Variants in HSD17B3 observed in about 807,000 individuals in gnomAD.
HSD17B3 encodes 17-beta-hydroxysteroid dehydrogenase type 3.
Under a neutral mutation model 41.1 loss-of-function variants are expected in HSD17B3, and 29 were observed. That is an observed-to-expected ratio of 0.71 (90% CI 0.53 to 0.96). The LOEUF (loss-of-function observed/expected upper bound fraction) is 0.96, where lower values mean the gene tolerates loss of function less well. HSD17B3 is among the 40% of genes least tolerant of loss of function. HSD17B3 has a pLI of 0.00. For missense variants in HSD17B3, 323 were observed against 374.6 expected (o/e 0.86, Z 1.14); for synonymous variants, 126 against 145.6 (o/e 0.87, Z 0.97).
chr9:96,300,199 AC>A (rs1195260129), intron 1 of HSD17B3, among the ~76,000 whole-genome samples: 1 of 123,226 alleles, frequency 8.1e-6, no homozygotes, highest in African/African-American at 2.9e-5. Flanking sequence ...ACAGCATAAT[AC>A]CCCAAGAGGA....
chr9:96,300,079 G>A (rs1025066109), intron 1 of HSD17B3, among the ~76,000 whole-genome samples: 1 of 152,056 alleles, frequency 6.6e-6, no homozygotes, highest in Non-Finnish European at 1.5e-5. Context: ...CAGCTGTGCA[G>A]AGTGCTACGT....
At chr9:96,259,113 T>A (rs928665022) in intron 2 of HSD17B3, among the ~76,000 whole-genome samples, 1 of 152,164 alleles carries the variant, frequency 6.6e-6, no homozygotes, top group Admixed American at 6.5e-5. Flanking sequence ...GTGACCCGCA[T>A]CCTTTCTGCT....
intron 2 of HSD17B3, among the ~76,000 whole-genome samples, chr9:96,279,853 T>A (rs187919522): frequency 1.3e-5 from 2 of 151,960 alleles, no homozygotes; most frequent in African/African-American, 4.8e-5. Flanking sequence ...CACGGCAAGC[T>A]CCGCCTCCCA....
At chr9:96,249,711 C>T in intron 6 of HSD17B3, 40 bp downstream of exon 6, 2 of 1,599,924 alleles carry the variant, frequency 1.3e-6, no homozygotes, top group African/African-American at 2.7e-5. Flanking sequence ...TTTCAAGTTA[C>T]TACATGTTAA....
At chr9:96,246,689 AAG>A in intron 6 of HSD17B3, 99 bp from the exon 7 acceptor site, 1 of 1,038,780 alleles carries the variant, frequency 9.6e-7, no homozygotes, top group South Asian at 1.3e-5. Flanking sequence ...GAAGCTGGGA[AAG>A]AGCCTCATCT....
chr9:96,300,319 G>A lies in HSD17B3; in HGVS notation c.154+1632C>T, dbSNP rs1009967987. Among the ~76,000 whole-genome samples, 5 of 142,382 alleles carry A rather than the reference G, an allele frequency of 3.5e-5. 1 individual carries two copies. The highest frequency in any genetic ancestry group is 2.4e-4 in the South Asian group (1 of 4,240). 93.4% of individuals were successfully genotyped at this position (142,382 alleles called of 152,430 possible). A position where few individuals can be genotyped will look rare whatever the true frequency, so the allele number is the denominator to read the frequency against. On this transcript the variant is annotated intron_variant, in intron 1 of 10. Transcript: ENST00000375263. Reference sequence around the variant, plus strand: ...TGTCATCCCAAACAATTTCTCACACGGTAATTTTTTTAATTTCCATTGCTA... The same window carrying A: ...TGTCATCCCAAACAATTTCTCACACAGTAATTTTTTTAATTTCCATTGCTA...
chr9:96,249,345 G>C (rs756138428), intron 6 of HSD17B3, among the ~76,000 whole-genome samples: 3 of 152,194 alleles, frequency 2.0e-5, no homozygotes, highest in African/African-American at 4.8e-5. Flanking sequence ...AATATTTATT[G>C]AACAACAAAA....
At chr9:96,280,111 C>G (rs2130775820) in intron 2 of HSD17B3, among the ~76,000 whole-genome samples, 1 of 152,284 alleles carries the variant, frequency 6.6e-6, no homozygotes, top group African/African-American at 2.4e-5. Context: ...ATCAGCGGTG[C>G]TCAGCTGTGC....
At chr9:96,255,086 G>A (rs1470710569) in intron 2 of HSD17B3, 143 bp from the exon 3 acceptor site, 1 of 747,132 alleles carries the variant, frequency 1.3e-6, no homozygotes, top group Admixed American at 2.0e-5. Context: ...TGCAGAATGT[G>A]ACAAAGCTTT....
Position 96,300,209 on chromosome 9 carries a change from G to GACACACACACACACACACAC in HSD17B3, c.154+1722_154+1741dup, listed in dbSNP as rs55707445. 1.4e-3 allele frequency among the ~76,000 whole-genome samples: 159 copies of GACACACACACACACACACAC among 116,374 alleles called. 3 individuals are homozygous for GACACACACACACACACACAC. Among genetic ancestry groups the GACACACACACACACACACAC allele is most frequent in the South Asian group, 2.6e-3 (8 of 3,088 alleles). 76.3% of individuals were successfully genotyped at this position (116,374 alleles called of 152,430 possible). On this transcript the variant is annotated intron_variant, in intron 1 of 10. Coordinates refer to ENST00000375263, the MANE Select transcript of HSD17B3 (RefSeq NM_000197.2). ...TCCTGACAGCATAATACCCCAAGAGGACACACACACACACACACACACACA... is the reference window on the plus strand; with the variant it reads ...TCCTGACAGCATAATACCCCAAGAGGACACACACACACACACACACACACACACACACACACACACACACA...
intron 2 of HSD17B3, among the ~76,000 whole-genome samples, chr9:96,295,482 C>G (rs1042083479): frequency 1.3e-5 from 2 of 151,666 alleles, no homozygotes; most frequent in Admixed American, 6.6e-5. Context: ...TTACAAGCAC[C>G]CGCCACCACA....
chr9:96,250,404 G>A (rs926271411), intron 5 of HSD17B3: 6 of 1,069,340 alleles, frequency 5.6e-6, no homozygotes, highest in Non-Finnish European at 6.8e-6. Flanking sequence ...GGAGTTTGGT[G>A]AGGATGTGCA....
intron 2 of HSD17B3, among the ~76,000 whole-genome samples, chr9:96,273,608 TGAA>T (rs1354522347): frequency 6.6e-6 from 1 of 152,128 alleles, no homozygotes; most frequent in Non-Finnish European, 1.5e-5. Flanking sequence ...GCACCTACTC[TGAA>T]GAAGAAGCCA....
intron 7 of HSD17B3, among the ~76,000 whole-genome samples, chr9:96,246,264 T>C (rs1350429293): frequency 6.6e-6 from 1 of 152,208 alleles, no homozygotes; most frequent in Admixed American, 6.5e-5. Flanking sequence ...AGTTTTCTTT[T>C]ACACTCAACA....
In HSD17B3 at chr9:96,246,984, G is replaced by T. The variant is rs183328986; in HGVS notation, c.490-394C>A. On this transcript the variant is annotated intron_variant, in intron 6 of 10. Transcript: ENST00000375263. ...CATGAGTTGGAATTGGGGAACTATG[G>T]GGAAACCTAACAAGACTCTGTAGAG... Among the ~76,000 whole-genome samples, 401 of 152,278 alleles carry T rather than the reference G, an allele frequency of 2.6e-3. 4 individuals are homozygous for T. The highest frequency in any genetic ancestry group is 6.6e-4 in the Non-Finnish European group (45 of 68,038).
In HSD17B3 at chr9:96,235,503, G is replaced by A. The variant is rs747590637; in HGVS notation, c.890C>T (p.Thr297Ile). 5 of 1,614,016 alleles carry A rather than the reference G, an allele frequency of 3.1e-6. No homozygotes were observed. The highest frequency in any genetic ancestry group is 1.3e-5 in the African/African-American group (1 of 74,936). Residue 297 changes from threonine to isoleucine, a missense_variant, in exon 11 of 11, where the codon ACA (threonine) becomes ATA (isoleucine). Transcript: ENST00000375263. The part of the protein sequence containing the change: ...YSGAFQRLLL[T>I]HYVAYLKLNT... ...GAGCTTCAGGTATGCCACATAGTGT[G>A]TCAGGAGCAGCCTTTGGAAGGCACC...
chr9:96,270,472 TGA>T (rs1845705740), intron 2 of HSD17B3, among the ~76,000 whole-genome samples: 1 of 152,234 alleles, frequency 6.6e-6, no homozygotes, highest in Admixed American at 6.5e-5. Context: ...GAAAATATGC[TGA>T]GAGTGCAGAT....
At chr9:96,301,012 G>A (rs1827578310) in intron 1 of HSD17B3, among the ~76,000 whole-genome samples, 2 of 152,182 alleles carry the variant, frequency 1.3e-5, no homozygotes, top group Admixed American at 6.5e-5. Context: ...ATTTAGAGAT[G>A]AGGATGCAGA....
intron 2 of HSD17B3, among the ~76,000 whole-genome samples, chr9:96,268,715 G>A (rs1018304581): frequency 2.0e-5 from 3 of 152,124 alleles, no homozygotes; most frequent in South Asian, 4.1e-4. Flanking sequence ...TTGGGAAGCC[G>A]AGGTGGGCAG....
Sources: allele counts gnomAD v4.1 joint callset (sites outside exome capture counted in the v4.1 genomes callset), GRCh38; gene constraint gnomAD v4.1.1; transcripts MANE v1.5; gene names NCBI Gene and HGNC (gene_info 2026-07-23, HGNC 2026-07-21).